SH3RF3: variants seen among roughly 807,000 people sequenced by gnomAD.
The protein encoded by SH3RF3 is SH3 domain containing ring finger 3.
SH3RF3 carries 29 observed loss-of-function variants against 66.3 expected under a neutral mutation model. The observed-to-expected ratio is 0.44, with a 90% confidence interval of 0.33 to 0.60. SH3RF3 has a LOEUF of 0.60. SH3RF3 is among the 20% of genes least tolerant of loss of function. SH3RF3 has a pLI of 0.04. For missense variants in SH3RF3, 1,194 were observed against 1,190.9 expected, an observed-to-expected ratio of 1.00 and a Z score of -0.04; for synonymous variants, 583 against 532.0, an observed-to-expected ratio of 1.10 and a Z score of -1.32.
At chr2:109,401,211 G>A (rs988484366) in intron 4 of SH3RF3, among the ~76,000 whole-genome samples, 1 of 152,242 alleles carries the variant, frequency 6.6e-6, no homozygotes, top group Admixed American at 6.5e-5. Context: ...TTGGCCCAGA[G>A]CTGGGGTCCC....
chr2:109,297,594 G>A (rs1426627124), intron 1 of SH3RF3, among the ~76,000 whole-genome samples: 2 of 142,598 alleles, frequency 1.4e-5, no homozygotes, highest in African/African-American at 5.3e-5. Flanking sequence ...AACCCAGTCA[G>A]TGCCCCCAAC....
At chr2:109,249,467 C>CTCTCTCTTTCTTTCTTTCTTTCTT (rs1558981118) in intron 1 of SH3RF3, among the ~76,000 whole-genome samples, 2 of 99,290 alleles carry the variant, frequency 2.0e-5, no homozygotes, top group African/African-American at 8.1e-5. Flanking sequence ...TTCTCTCTTT[C>CTCTCTCTTTCTTTCTTTCTTTCTT]TCTTTCTTTC....
chr2:109,269,557 G>T (rs1278453310), intron 1 of SH3RF3, among the ~76,000 whole-genome samples: 1 of 152,178 alleles, frequency 6.6e-6, no homozygotes, highest in African/African-American at 2.4e-5. Context: ...AAGTCTGGTG[G>T]ATCACTTGAG....
intron 4 of SH3RF3, among the ~76,000 whole-genome samples, chr2:109,418,251 GA>G (rs1676777348): frequency 6.6e-6 from 1 of 152,146 alleles, no homozygotes; most frequent in South Asian, 2.1e-4. Flanking sequence ...CTCCCTCCTT[GA>G]AGGGAGGTGG....
At chr2:109,254,629 T>G (rs1680175675) in intron 1 of SH3RF3, among the ~76,000 whole-genome samples, 1 of 152,176 alleles carries the variant, frequency 6.6e-6, no homozygotes, top group South Asian at 2.1e-4. Context: ...GTTGGTCAAA[T>G]AGTTTCTTTG....
intron 8 of SH3RF3, among the ~76,000 whole-genome samples, chr2:109,468,762 GT>G (rs1678425495): frequency 6.7e-6 from 1 of 149,922 alleles, no homozygotes; most frequent in Admixed American, 6.7e-5. Context: ...GCTGAGGCAG[GT>G]TAATCGCTTG....
intron 1 of SH3RF3, chr2:109,313,503 G>A (rs1319928616): frequency 1.3e-5 from 2 of 154,828 alleles, no homozygotes; most frequent in African/African-American, 2.4e-5. Flanking sequence ...TGCTGGGTGA[G>A]CGCTGTACCA....
At chr2:109,492,868 G>T (rs1245601728) in intron 9 of SH3RF3, among the ~76,000 whole-genome samples, 1 of 152,028 alleles carries the variant, frequency 6.6e-6, no homozygotes, top group Non-Finnish European at 1.5e-5. Flanking sequence ...CACCATTGTT[G>T]GGTCCTGCAG....
intron 8 of SH3RF3, among the ~76,000 whole-genome samples, chr2:109,480,925 G>A (rs1678819196): frequency 6.6e-6 from 1 of 152,156 alleles, no homozygotes; most frequent in Admixed American, 6.5e-5. Context: ...TAGAAGAAGC[G>A]GCAGATAAAA....
chr2:109,173,508 G>A (rs1337783129), intron 1 of SH3RF3, among the ~76,000 whole-genome samples: 1 of 152,166 alleles, frequency 6.6e-6, no homozygotes, highest in Non-Finnish European at 1.5e-5. Context: ...TTGGCACACT[G>A]CCTGCAGGCT....
intron 1 of SH3RF3, among the ~76,000 whole-genome samples, chr2:109,335,259 C>T (rs1682384756): frequency 6.6e-6 from 1 of 152,242 alleles, no homozygotes; most frequent in South Asian, 2.1e-4. Context: ...TCGCCCGTCC[C>T]ACACGAGAAC....
At chr2:109,223,989 G>A (rs1679313838) in intron 1 of SH3RF3, among the ~76,000 whole-genome samples, 1 of 152,162 alleles carries the variant, frequency 6.6e-6, no homozygotes, top group East Asian at 1.9e-4. Context: ...GTGACAGAGT[G>A]AGACTCCGTC....
intron 1 of SH3RF3, among the ~76,000 whole-genome samples, chr2:109,154,656 G>T (rs138014731): frequency 1.3e-5 from 2 of 152,302 alleles, no homozygotes; most frequent in Non-Finnish European, 2.9e-5. Context: ...AATACTTTTG[G>T]CCTTGCTGTA....
chr2:109,406,191 A>G (rs1353489681), intron 4 of SH3RF3, among the ~76,000 whole-genome samples: 2 of 152,150 alleles, frequency 1.3e-5, no homozygotes, highest in African/African-American at 4.8e-5. Flanking sequence ...TATCATTCAC[A>G]TGTCAGTGCT....
chr2:109,449,857 A>G (rs1355535664), intron 8 of SH3RF3, among the ~76,000 whole-genome samples: 1 of 152,244 alleles, frequency 6.6e-6, no homozygotes, highest in Non-Finnish European at 1.5e-5. Flanking sequence ...GTAATAATAA[A>G]TATACAAATC....
chr2:109,428,405 TCAACAGGCTG>T (rs1340380386), intron 5 of SH3RF3, among the ~76,000 whole-genome samples: 1 of 152,212 alleles, frequency 6.6e-6, no homozygotes, highest in Non-Finnish European at 1.5e-5. Flanking sequence ...GCTGTTAGTT[TCAACAGGCTG>T]CACGTGAAAG....
At chr2:109,468,723 G>A (rs571672421) in intron 8 of SH3RF3, among the ~76,000 whole-genome samples, 5 of 151,498 alleles carry the variant, frequency 3.3e-5, no homozygotes, top group Non-Finnish European at 5.9e-5. Flanking sequence ...GCATGGTGGC[G>A]GGCACCTGTA....
At chr2:109,170,432 G>A (rs1257428738) in intron 1 of SH3RF3, among the ~76,000 whole-genome samples, 5 of 151,698 alleles carry the variant, frequency 3.3e-5, no homozygotes, top group Non-Finnish European at 5.9e-5. Flanking sequence ...TGCAACCTCC[G>A]CCTCCCGGGT....
intron 2 of SH3RF3, among the ~76,000 whole-genome samples, chr2:109,369,767 C>T (rs1285615827): frequency 6.6e-6 from 1 of 152,170 alleles, no homozygotes; most frequent in Admixed American, 6.5e-5. Flanking sequence ...TGCCTCAACT[C>T]GGATGGACAC....
Sources: allele counts gnomAD v4.1 joint callset (sites outside exome capture counted in the v4.1 genomes callset), GRCh38; gene constraint gnomAD v4.1.1; transcripts MANE v1.5; gene names NCBI Gene and HGNC (gene_info 2026-07-23, HGNC 2026-07-21).